SPATA17: variants seen among roughly 807,000 people sequenced by gnomAD.
SPATA17 encodes the protein spermatogenesis-associated protein 17.
Under a neutral mutation model 62.2 loss-of-function variants are expected in SPATA17, and 53 were observed. The ratio of observed to expected loss-of-function variants is 0.85; its 90% CI spans 0.68 to 1.07. The LOEUF (loss-of-function observed/expected upper bound fraction) is 1.07, where lower values mean the gene tolerates loss of function less well. SPATA17 is among the 50% of genes least tolerant of loss of function. SPATA17 has a pLI of 0.00. For missense variants in SPATA17, 466 were observed against 425.5 expected (o/e 1.10, Z -0.84); for synonymous variants, 146 against 146.8 (o/e 0.99, Z 0.04).
chr1:217,820,884 C>A (rs1366767541), intron 9 of SPATA17, among the ~76,000 whole-genome samples: 3 of 152,026 alleles, frequency 2.0e-5, no homozygotes, highest in African/African-American at 7.2e-5. Context: ...GCTCATAGTT[C>A]TGTAGGCTGC....
intron 3 of SPATA17, among the ~76,000 whole-genome samples, chr1:217,654,716 TC>T (rs1462972210): frequency 1.3e-5 from 2 of 149,172 alleles, no homozygotes; most frequent in Admixed American, 6.6e-5. Context: ...GTTTACATAA[TC>T]TTTTTTTTTT....
intron 5 of SPATA17, among the ~76,000 whole-genome samples, chr1:217,721,422 G>A (rs1672124506): frequency 1.3e-5 from 2 of 152,074 alleles, no homozygotes; most frequent in Admixed American, 1.3e-4. Context: ...AGTTCTGCTG[G>A]CATCTGCTGC....
chr1:217,839,985 G>A (rs907488599), intron 9 of SPATA17, among the ~76,000 whole-genome samples: 1 of 148,614 alleles, frequency 6.7e-6, no homozygotes, highest in Non-Finnish European at 1.5e-5. Context: ...TCGGAAAATC[G>A]TGTTTAAAGG....
At chr1:217,794,721 G>T (rs1674091934) in intron 8 of SPATA17, among the ~76,000 whole-genome samples, 1 of 152,108 alleles carries the variant, frequency 6.6e-6, no homozygotes, top group African/African-American at 2.4e-5. Flanking sequence ...CATCTGACTC[G>T]TTTATGTTAC....
At chr1:217,790,458 T>G (rs79371282) in intron 8 of SPATA17, among the ~76,000 whole-genome samples, 1 of 152,132 alleles carries the variant, frequency 6.6e-6, no homozygotes, top group Non-Finnish European at 1.5e-5. Context: ...ATTTTTTTTT[T>G]GAGACAGAGT....
intron 6 of SPATA17, among the ~76,000 whole-genome samples, chr1:217,773,579 T>G (rs972132539): frequency 1.3e-5 from 2 of 152,126 alleles, no homozygotes; most frequent in African/African-American, 4.8e-5. Context: ...GACTTAACAT[T>G]TGTCACACAT....
intron 5 of SPATA17, among the ~76,000 whole-genome samples, chr1:217,712,957 C>G (rs1165056712): frequency 6.6e-6 from 1 of 152,182 alleles, no homozygotes; most frequent in Non-Finnish European, 1.5e-5. Context: ...ATGAGCTAGA[C>G]TTGCAGGGCA....
At chr1:217,850,680 T>C (rs1571843091) in intron 9 of SPATA17, 2 of 1,466,470 alleles carry the variant, frequency 1.4e-6, no homozygotes. Flanking sequence ...GCCAGTCATG[T>C]CCAGCCACAG....
chr1:217,786,973 C>T (rs898447188), intron 8 of SPATA17, among the ~76,000 whole-genome samples: 34 of 151,988 alleles, frequency 2.2e-4, no homozygotes, highest in East Asian at 7.7e-4. Flanking sequence ...ATGTCCTAAA[C>T]GCAGTATATA....
At chr1:217,757,197 C>T (rs1334154189) in intron 6 of SPATA17, among the ~76,000 whole-genome samples, 1 of 152,108 alleles carries the variant, frequency 6.6e-6, no homozygotes. Flanking sequence ...GAGCCCAATA[C>T]ATAAATCCCC....
In SPATA17 at chr1:217,702,308, T is replaced by C. The variant is rs555554006; in HGVS notation, c.395+18947T>C. On this transcript the variant is annotated intron_variant, in intron 5 of 10. Coordinates refer to ENST00000366933, the MANE Select transcript of SPATA17 (RefSeq NM_138796.4). The stretch of plus-strand genomic sequence containing the variant: ...TGGGTCACCACTAATGTCTAAGCTT[T>C]ATTCTAATTTTTTAAATTACCCATG... Among the ~76,000 whole-genome samples, 55 of 152,310 alleles carry C rather than the reference T, an allele frequency of 3.6e-4. 1 individual carries two copies. The highest frequency in any genetic ancestry group is 1.2e-3 in the African/African-American group (48 of 41,588).
chr1:217,744,253 G>C (rs1015584982), intron 6 of SPATA17, among the ~76,000 whole-genome samples: 1 of 48,470 alleles, frequency 2.1e-5, no homozygotes, highest in Admixed American at 1.6e-4. Flanking sequence ...ACGAGGTCAA[G>C]AGATCGAGAC....
At chr1:217,787,191 C>G (rs1341347540) in intron 8 of SPATA17, among the ~76,000 whole-genome samples, 1 of 152,060 alleles carries the variant, frequency 6.6e-6, no homozygotes, top group African/African-American at 2.4e-5. Context: ...CCTTAAAATT[C>G]CTTAACTTTA....
chr1:217,862,236 A>G (rs1462764263), intron 9 of SPATA17, among the ~76,000 whole-genome samples: 1 of 152,190 alleles, frequency 6.6e-6, no homozygotes, highest in African/African-American at 2.4e-5. Context: ...CATGAAAAGC[A>G]TCCATTTTTA....
intron 5 of SPATA17, among the ~76,000 whole-genome samples, chr1:217,704,830 G>A (rs1473669256): frequency 1.3e-5 from 2 of 151,998 alleles, no homozygotes; most frequent in African/African-American, 4.8e-5. Flanking sequence ...TTGATTCCAT[G>A]TCTTTGCTAT....
Position 217,749,943 on chromosome 1 carries a change from T to TTCTCTCTC in SPATA17, c.519+7881_519+7888dup, listed in dbSNP as rs1188300100. Among the ~76,000 whole-genome samples, 35 of 41,454 alleles carry TTCTCTCTC rather than the reference T, an allele frequency of 8.4e-4. 1 individual carries two copies. Among genetic ancestry groups the TTCTCTCTC allele is most frequent in the Middle Eastern group, 0.019 (1 of 54 alleles). The allele number at this position is 41,454 out of a possible 152,430, so 27.2% of individuals were successfully genotyped here. A position where few individuals can be genotyped will look rare whatever the true frequency, so the allele number is the denominator to read the frequency against. ...TATCCTAGAGAAATTTGTCATAAGATTCTCTCTCTCTCTCTCTCTCTCTCT... is the reference window on the plus strand; with the variant it reads ...TATCCTAGAGAAATTTGTCATAAGATTCTCTCTCTCTCTCTCTCTCTCTCTCTCTCTCT... On this transcript the variant is annotated intron_variant, in intron 6 of 10. Transcript: ENST00000366933.
intron 5 of SPATA17, among the ~76,000 whole-genome samples, chr1:217,738,917 A>G (rs1672569968): frequency 6.6e-6 from 1 of 152,208 alleles, no homozygotes; most frequent in Non-Finnish European, 1.5e-5. Context: ...GTGCCACTGC[A>G]CTCCAGCGTG....
At chr1:217,749,103 A>G (rs1571778516) in intron 6 of SPATA17, among the ~76,000 whole-genome samples, 1 of 152,124 alleles carries the variant, frequency 6.6e-6, no homozygotes, top group African/African-American at 2.4e-5. Flanking sequence ...TATGTTTGGT[A>G]TATTTGGAAA....
chr1:217,826,099 A>G (rs1278787305), intron 9 of SPATA17, among the ~76,000 whole-genome samples: 3 of 152,160 alleles, frequency 2.0e-5, no homozygotes, highest in Non-Finnish European at 2.9e-5. Context: ...CAAGACATCT[A>G]TTTTACCACA....
Sources: gnomAD v4.1 joint callset for allele counts (sites outside exome capture counted in the v4.1 genomes callset) on GRCh38, gnomAD v4.1.1 for gene constraint, MANE v1.5 for transcripts, NCBI Gene and HGNC (gene_info 2026-07-23, HGNC 2026-07-21) for gene names.